Variants in PCNX2 observed in about 807,000 individuals in gnomAD.
The protein encoded by PCNX2 is pecanex 2, also known as pecanex-like protein 2.
Under a neutral mutation model 223.8 loss-of-function variants are expected in PCNX2, and 168 were observed. The observed-to-expected ratio is 0.75, with a 90% confidence interval of 0.66 to 0.85. The LOEUF is 0.85. PCNX2 is among the 40% of genes least tolerant of loss of function. The probability of loss-of-function intolerance (pLI) is 0.00; values close to 1 mark genes in which losing one functional copy is unlikely to be tolerated. For missense variants in PCNX2, 2,507 were observed against 2,675.5 expected (o/e 0.94, Z 1.39); for synonymous variants, 1,006 against 1,052.6 (o/e 0.96, Z 0.86).
chr1:233,142,385 T>C (rs1269539139), intron 19 of PCNX2, among the ~76,000 whole-genome samples: 1 of 152,128 alleles, frequency 6.6e-6, no homozygotes, highest in East Asian at 1.9e-4. Flanking sequence ...CAACTACAAA[T>C]TCATTTATAC....
In PCNX2 at chr1:233,032,122, G is replaced by A. The variant is rs1558176889; in HGVS notation, c.4352-6723C>T. On this transcript the variant is annotated intron_variant, in intron 25 of 33. Coordinates refer to ENST00000258229, the MANE Select transcript of PCNX2 (RefSeq NM_014801.4). ...TTCTTTCTTTCTTTCTTTTTTTTGA[G>A]ATAGAGTTTCACTCTTGTTGCCCAG... The A allele has an allele frequency of 7.7e-6, 7 of 908,046 alleles. No homozygotes were observed. The South Asian group carries it at 3.1e-4, about 40-fold the overall frequency. The allele number at this position is 908,046 out of a possible 1,614,324, so 56.2% of individuals were successfully genotyped here.
At chr1:233,299,868 T>G (rs965146217), upstream of PCNX2, among the ~76,000 whole-genome samples, 11 of 152,170 alleles carry the variant, frequency 7.2e-5, no homozygotes, top group African/African-American at 2.7e-4. Context: ...GTGCTCTATA[T>G]AAAATAAAAA....
chr1:233,229,078 ACAAC>A (rs1402852139), intron 9 of PCNX2, among the ~76,000 whole-genome samples: 1 of 152,154 alleles, frequency 6.6e-6, no homozygotes, highest in Non-Finnish European at 1.5e-5. Context: ...GGCAGACAGC[ACAAC>A]TTTTTTCCTA....
At chr1:233,100,145 G>A (rs368696084) in intron 21 of PCNX2, among the ~76,000 whole-genome samples, 11 of 152,280 alleles carry the variant, frequency 7.2e-5, no homozygotes, top group African/African-American at 2.6e-4. Context: ...GGGCGCGGGG[G>A]CTCACGCCTG....
intron 32 of PCNX2, among the ~76,000 whole-genome samples, chr1:232,989,444 A>C (rs1571983351): frequency 1.4e-5 from 2 of 147,302 alleles, no homozygotes; most frequent in African/African-American, 2.5e-5. Flanking sequence ...AAAGAGTGAG[A>C]CTCCGTCTCA....
At chr1:233,153,347 G>A (rs189912855) in intron 19 of PCNX2, among the ~76,000 whole-genome samples, 77 of 152,340 alleles carry the variant, frequency 5.1e-4, no homozygotes, top group African/African-American at 1.7e-3. Flanking sequence ...AGGGAGGACG[G>A]AGCTAATAGA....
At chr1:233,323,498 T>C in the PCNX2 span, among the ~76,000 whole-genome samples, 1 of 152,374 alleles carries the variant, frequency 6.6e-6, no homozygotes, top group East Asian at 1.9e-4. Flanking sequence ...CTTGGTGCCA[T>C]CTTTTCCAAC....
chr1:233,001,808 T>C lies in PCNX2; in HGVS notation c.4953-127A>G, dbSNP rs576273688. ...GGCTGATATAGCAAGAAAATGAAGA[T>C]AACAGGACTCATCCCAGTGCACCTA... On this transcript the variant is annotated intron_variant, in intron 28 of 33. Transcript: ENST00000258229. This position sits in a 1 kb window ranked among gnomAD's most constrained non-coding sequence, Gnocchi z 4.2. 2 of 962,638 alleles carry C rather than the reference T, an allele frequency of 2.1e-6. No individual in the cohort carries two copies. Among genetic ancestry groups the C allele is most frequent in the South Asian group, 6.9e-5 (2 of 28,956 alleles). 59.6% of individuals were successfully genotyped at this position (962,638 alleles called of 1,614,324 possible).
chr1:233,174,371 T>C (rs944319471), intron 17 of PCNX2, among the ~76,000 whole-genome samples: 1 of 148,050 alleles, frequency 6.8e-6, no homozygotes, highest in East Asian at 1.9e-4. Flanking sequence ...GAGAAAAAAA[T>C]GAAAAATTTA....
chr1:233,035,239 T>C (rs1671413119), intron 25 of PCNX2, among the ~76,000 whole-genome samples: 1 of 152,224 alleles, frequency 6.6e-6, no homozygotes, highest in Admixed American at 6.5e-5. Flanking sequence ...AGATTGGGCT[T>C]CTTGGTCCTT....
intron 26 of PCNX2, 123 bp from the exon 27 acceptor site, chr1:233,017,277 T>C (rs187697562): frequency 1.7e-6 from 1 of 580,974 alleles, no homozygotes; most frequent in East Asian, 3.9e-5. Flanking sequence ...CTGCTGGGTG[T>C]AATGCACAGA....
At chr1:233,187,329 ATGT>A (rs1274314907) in intron 15 of PCNX2, among the ~76,000 whole-genome samples, 2 of 152,198 alleles carry the variant, frequency 1.3e-5, no homozygotes, top group Non-Finnish European at 2.9e-5. Context: ...CAGTAGGACA[ATGT>A]TGTCCTCAGG....
intron 23 of PCNX2, among the ~76,000 whole-genome samples, chr1:233,075,284 A>G (rs750086578): frequency 6.6e-6 from 1 of 152,228 alleles, no homozygotes; most frequent in Non-Finnish European, 1.5e-5. Flanking sequence ...ACTTGGATGA[A>G]TCTCCACTGA....
intron 4 of PCNX2, chr1:233,259,975 A>C (rs1659963429): frequency 2.9e-6 from 1 of 346,560 alleles, no homozygotes; most frequent in African/African-American, 2.2e-5. Context: ...TAAAGTATAC[A>C]GGAGGATGTG....
chr1:233,049,305 T>C (rs1253160963), intron 25 of PCNX2, among the ~76,000 whole-genome samples: 1 of 152,174 alleles, frequency 6.6e-6, no homozygotes, highest in Non-Finnish European at 1.5e-5. Context: ...GTCAGCTTCA[T>C]TCCTAGGATG....
chr1:233,007,227 G>A (rs973943723), intron 28 of PCNX2, among the ~76,000 whole-genome samples: 1 of 151,262 alleles, frequency 6.6e-6, no homozygotes, highest in African/African-American at 2.4e-5. Context: ...CCATCTCTGA[G>A]CAACTAAAAG....
intron 8 of PCNX2, among the ~76,000 whole-genome samples, chr1:233,247,551 G>A (rs184202793): frequency 2.6e-5 from 4 of 151,928 alleles, no homozygotes; most frequent in East Asian, 2.0e-4. Context: ...CTCAAACCCC[G>A]AGACTCAAGT....
intron 9 of PCNX2, 108 bp from the exon 10 acceptor site, chr1:233,227,479 A>T: frequency 3.1e-6 from 3 of 978,480 alleles, no homozygotes; most frequent in Non-Finnish European, 4.1e-6. Flanking sequence ...TATGTACACC[A>T]TAATTTAAAA....
chr1:233,134,811 T>C, intron 21 of PCNX2: 2 of 579,982 alleles, frequency 3.4e-6, no homozygotes, highest in Non-Finnish European at 6.0e-6. Context: ...TAATTAGTGA[T>C]TTTTAGCAAA....
Sources: allele counts gnomAD v4.1 joint callset (sites outside exome capture counted in the v4.1 genomes callset), GRCh38; gene constraint gnomAD v4.1.1; non-coding constraint Gnocchi (gnomAD v3.1); transcripts MANE v1.5; gene names NCBI Gene and HGNC (gene_info 2026-07-23, HGNC 2026-07-21).